Variants in ELMO1 observed in about 807,000 individuals in gnomAD.
ELMO1 encodes the protein engulfment and cell motility protein 1.
Under a neutral mutation model 98.9 loss-of-function variants are expected in ELMO1, and 26 were observed. The ratio of observed to expected loss-of-function variants is 0.26; its 90% CI spans 0.19 to 0.36. ELMO1 has a LOEUF of 0.36. ELMO1 is among the 10% of genes least tolerant of loss of function. ELMO1 has a pLI of 1.00. For synonymous variants in ELMO1, 346 were observed against 346.0 expected (o/e 1.00, Z 0.00); for missense variants, 627 against 935.2 (o/e 0.67, Z 4.30).
At chr7:37,294,584 GCCCCACAC>G (rs1797936104) in intron 4 of ELMO1, among the ~76,000 whole-genome samples, 1 of 152,076 alleles carries the variant, frequency 6.6e-6, no homozygotes, top group African/African-American at 2.4e-5. Context: ...CTTTTAAACA[GCCCCACAC>G]AAATACATGC....
intron 16 of ELMO1, among the ~76,000 whole-genome samples, chr7:36,899,240 T>C (rs963520036): frequency 1.3e-5 from 2 of 152,182 alleles, no homozygotes; most frequent in African/African-American, 4.8e-5. Context: ...ACCAAGGATA[T>C]GTCACTAGAG....
At chr7:37,328,383 C>CAAAAAAAA (rs10669717) in intron 2 of ELMO1, among the ~76,000 whole-genome samples, 1,840 of 64,652 alleles carry the variant, frequency 0.028, 290 homozygotes, top group Non-Finnish European at 0.041. Context: ...GACCCTGCCA[C>CAAAAAAAA]AAAAAAAAAA....
intron 15 of ELMO1, chr7:37,033,242 C>T: frequency 2.7e-6 from 1 of 377,316 alleles, no homozygotes; most frequent in Non-Finnish European, 5.3e-6. Context: ...AGGAGGAGCG[C>T]AGACGGGCTA....
At chr7:37,196,794 CT>C (rs1160860435) in intron 13 of ELMO1, among the ~76,000 whole-genome samples, 1 of 152,188 alleles carries the variant, frequency 6.6e-6, no homozygotes, top group South Asian at 2.1e-4. Flanking sequence ...CTGTAAGCCT[CT>C]TTTTATTCGT....
chr7:37,025,493 A>G (rs1027640007), intron 15 of ELMO1, among the ~76,000 whole-genome samples: 1 of 152,186 alleles, frequency 6.6e-6, no homozygotes, highest in Non-Finnish European at 1.5e-5. Context: ...GGACTCAATG[A>G]AGTAGATAGC....
At chr7:37,110,745 C>T (rs918623352) in intron 14 of ELMO1, among the ~76,000 whole-genome samples, 8 of 152,126 alleles carry the variant, frequency 5.3e-5, no homozygotes, top group African/African-American at 1.7e-4. Context: ...AAGAAAGGGG[C>T]TATGGGGCCC....
At chr7:37,308,711 G>A (rs1798739683) in intron 4 of ELMO1, among the ~76,000 whole-genome samples, 1 of 152,208 alleles carries the variant, frequency 6.6e-6, no homozygotes, top group South Asian at 2.1e-4. Context: ...GTGTTCACAT[G>A]TGGCTTTTTT....
At chr7:37,065,212 C>G (rs1760561318) in intron 15 of ELMO1, among the ~76,000 whole-genome samples, 1 of 151,284 alleles carries the variant, frequency 6.6e-6, no homozygotes, top group African/African-American at 2.4e-5. Context: ...TGGACTCCTT[C>G]TATGTTGCCC....
chr7:37,265,907 G>A (rs1462950220), intron 5 of ELMO1, among the ~76,000 whole-genome samples: 1 of 152,092 alleles, frequency 6.6e-6, no homozygotes, highest in African/African-American at 2.4e-5. Context: ...CAGAGCACCG[G>A]GAGGAACAGG....
intron 13 of ELMO1, among the ~76,000 whole-genome samples, chr7:37,174,022 C>T (rs1422396351): frequency 1.3e-5 from 2 of 152,188 alleles, no homozygotes; most frequent in East Asian, 1.9e-4. Context: ...GATACTCAGC[C>T]CTGCTCTCTC....
At chr7:37,262,660 A>T (rs1177198757) in intron 5 of ELMO1, among the ~76,000 whole-genome samples, 1 of 152,184 alleles carries the variant, frequency 6.6e-6, no homozygotes, top group Non-Finnish European at 1.5e-5. Context: ...TTCCCTCTTC[A>T]TCCTAGGACA....
intron 16 of ELMO1, among the ~76,000 whole-genome samples, chr7:37,008,843 C>A (rs1793339632): frequency 6.6e-6 from 1 of 152,166 alleles, no homozygotes; most frequent in African/African-American, 2.4e-5. Flanking sequence ...GATGGCGATT[C>A]TATTAACATA....
At chr7:37,371,194 CA>C (rs894632079) in intron 1 of ELMO1, among the ~76,000 whole-genome samples, 10 of 149,508 alleles carry the variant, frequency 6.7e-5, no homozygotes, top group African/African-American at 2.0e-4. Context: ...TATAAAGTTG[CA>C]AAAAAAAATC....
chr7:36,950,706 C>T (rs141949355), intron 16 of ELMO1, among the ~76,000 whole-genome samples: 11 of 152,318 alleles, frequency 7.2e-5, no homozygotes, highest in Admixed American at 2.6e-4. Flanking sequence ...CAAGACATTG[C>T]GCTAGAGGGA....
chr7:36,985,220 A>T, intron 16 of ELMO1: 1 of 645,764 alleles, frequency 1.5e-6, no homozygotes, highest in Non-Finnish European at 1.9e-6. Flanking sequence ...TAACTTTGCA[A>T]ACCCTCTCTG....
chr7:37,268,238 A>AG (rs1283207376), intron 5 of ELMO1, among the ~76,000 whole-genome samples: 7 of 152,170 alleles, frequency 4.6e-5, no homozygotes, highest in Admixed American at 2.0e-4. Context: ...TGCATATAGA[A>AG]GCTCCCCAAA....
intron 15 of ELMO1, among the ~76,000 whole-genome samples, chr7:37,048,523 G>A (rs964664990): frequency 4.6e-5 from 7 of 152,200 alleles, no homozygotes; most frequent in African/African-American, 1.4e-4. Flanking sequence ...TGGTACCAGA[G>A]AGTAGAAGCC....
At position 37,233,081 on chromosome 7, in the gene ELMO1, A is replaced by T. The variant is rs1794271762; in HGVS notation, c.549+14T>A. ...GACAGTAAGGAAAGCCTAAAGAGGC[A>T]GAGTCCACCTTACCTTCTTAATGAA... On this transcript the variant is annotated intron_variant, in intron 8 of 21. Coordinates refer to ENST00000310758, the MANE Select transcript of ELMO1 (RefSeq NM_014800.11). 6.2e-7 allele frequency: 1 copy of T among 1,604,914 alleles called. No homozygotes were observed. The highest frequency in any genetic ancestry group is 8.5e-7 in the Non-Finnish European group (1 of 1,173,994).
At chr7:37,166,458 T>C (rs1162254236) in intron 13 of ELMO1, among the ~76,000 whole-genome samples, 1 of 152,190 alleles carries the variant, frequency 6.6e-6, no homozygotes, top group Admixed American at 6.5e-5. Context: ...CTTTCCTGCT[T>C]TCTCTTGTGG....
Sources: gnomAD v4.1 joint callset for allele counts (sites outside exome capture counted in the v4.1 genomes callset) on GRCh38, gnomAD v4.1.1 for gene constraint, MANE v1.5 for transcripts, NCBI Gene and HGNC (gene_info 2026-07-23, HGNC 2026-07-21) for gene names.